The following AFG1L variants were observed in gnomAD, a reference collection of about 807,000 sequenced individuals.
AFG1L encodes AFG1-like ATPase.
Under a neutral mutation model 62.2 loss-of-function variants are expected in AFG1L, and 53 were observed. The observed-to-expected ratio is 0.85, with a 90% CI of 0.68 to 1.07. The LOEUF (loss-of-function observed/expected upper bound fraction) is 1.07, where lower values mean the gene tolerates loss of function less well. Among genes scored for constraint, AFG1L ranks in the 50% least tolerant of loss-of-function variants. AFG1L has a pLI of 0.00. For missense variants in AFG1L, 555 were observed against 590.5 expected, an observed-to-expected ratio of 0.94 and a Z score of 0.62; for synonymous variants, 228 against 210.3, an observed-to-expected ratio of 1.08 and a Z score of -0.73.
At chr6:108,380,490 G>A (rs1366511496) in intron 6 of AFG1L, among the ~76,000 whole-genome samples, 1 of 152,182 alleles carries the variant, frequency 6.6e-6, no homozygotes, top group African/African-American at 2.4e-5. Context: ...AACTGCAGCT[G>A]TAGCAGCTCT....
chr6:108,400,127 CA>C (rs1216332815), intron 6 of AFG1L, among the ~76,000 whole-genome samples: 11 of 152,108 alleles, frequency 7.2e-5, no homozygotes, highest in Admixed American at 2.0e-4. Context: ...GTGTCACCTG[CA>C]AACAAGGATA....
At chr6:108,307,727 T>C (rs914848090) in intron 1 of AFG1L, among the ~76,000 whole-genome samples, 1 of 152,226 alleles carries the variant, frequency 6.6e-6, no homozygotes, top group South Asian at 2.1e-4. Flanking sequence ...TCATATTTTA[T>C]ACATATGTTC....
At chr6:108,316,908 TATC>T (rs1316568298) in intron 1 of AFG1L, among the ~76,000 whole-genome samples, 1 of 152,218 alleles carries the variant, frequency 6.6e-6, no homozygotes, top group African/African-American at 2.4e-5. Flanking sequence ...CTCAACTCCT[TATC>T]ATATGTTTGT....
chr6:108,400,724 T>A (rs57725758), intron 6 of AFG1L, among the ~76,000 whole-genome samples: 11,983 of 123,368 alleles, frequency 0.097, 906 homozygotes, highest in African/African-American at 0.2. Flanking sequence ...TAATATATAT[T>A]ATATATAATA....
intron 7 of AFG1L, among the ~76,000 whole-genome samples, chr6:108,433,965 C>G (rs1050848863): frequency 8.5e-5 from 13 of 152,144 alleles, no homozygotes; most frequent in Non-Finnish European, 1.9e-4. Context: ...AGGGTTACAG[C>G]CTGCAACATG....
intron 6 of AFG1L, among the ~76,000 whole-genome samples, chr6:108,368,814 C>T (rs1032456721): frequency 4.6e-5 from 7 of 152,150 alleles, no homozygotes; most frequent in African/African-American, 1.7e-4. Flanking sequence ...GAAGGACAGC[C>T]ACCAGGAGGG....
intron 10 of AFG1L, among the ~76,000 whole-genome samples, chr6:108,508,855 G>C (rs1232873678): frequency 6.6e-6 from 1 of 152,158 alleles, no homozygotes; most frequent in Non-Finnish European, 1.5e-5. Flanking sequence ...TCATGCAAAG[G>C]ACTTCCCAAA....
intron 1 of AFG1L, among the ~76,000 whole-genome samples, chr6:108,296,535 A>T (rs992517193): frequency 6.6e-5 from 10 of 152,282 alleles, no homozygotes; most frequent in Non-Finnish European, 1.3e-4. Flanking sequence ...TGTATGTATA[A>T]GCATATACAT....
At chr6:108,464,937 T>A (rs1038284668) in intron 8 of AFG1L, among the ~76,000 whole-genome samples, 3 of 152,254 alleles carry the variant, frequency 2.0e-5, no homozygotes, top group Non-Finnish European at 4.4e-5. Context: ...ATCCCACTGA[T>A]GGGGCAATTA....
intron 8 of AFG1L, 82 bp downstream of exon 8, chr6:108,447,378 A>G: frequency 1.3e-6 from 1 of 793,982 alleles, no homozygotes; most frequent in Non-Finnish European, 2.1e-6. Context: ...TAATTATTGG[A>G]ACGTGAAAGG....
rs180670787 is a variant in AFG1L, at chr6:108,311,730, A to G, written c.140-12095A>G. ...ACTGATTGTATTTGCAGTTTCTAGC[A>G]CAGAGCTTTGTACACTATAGACGCT... On this transcript the variant is annotated intron_variant, in intron 1 of 12. Coordinates refer to ENST00000368977, the MANE Select transcript of AFG1L (RefSeq NM_145315.5). Among the ~76,000 whole-genome samples, 193 of 152,306 alleles carry G rather than the reference A, an allele frequency of 1.3e-3. 2 individuals are homozygous for G. The highest frequency in any genetic ancestry group is 4.5e-3 in the African/African-American group (188 of 41,574).
At chr6:108,349,408 TAGG>T (rs1391446638) in intron 3 of AFG1L, among the ~76,000 whole-genome samples, 3 of 151,992 alleles carry the variant, frequency 2.0e-5, no homozygotes, top group Non-Finnish European at 4.4e-5. Flanking sequence ...CACTTGAGCC[TAGG>T]AGGTCAAGGC....
At chr6:108,457,665 C>T (rs1772305087) in intron 8 of AFG1L, among the ~76,000 whole-genome samples, 1 of 151,908 alleles carries the variant, frequency 6.6e-6, no homozygotes, top group African/African-American at 2.4e-5. Flanking sequence ...TTTAATTTAC[C>T]TACATATTTA....
chr6:108,377,962 G>A (rs1258429951), intron 6 of AFG1L, among the ~76,000 whole-genome samples: 1 of 150,752 alleles, frequency 6.6e-6, no homozygotes, highest in Non-Finnish European at 1.5e-5. Context: ...ATAATTTGAA[G>A]GTTTGGTTGC....
intron 10 of AFG1L, among the ~76,000 whole-genome samples, chr6:108,503,640 T>G (rs1257819709): frequency 6.6e-6 from 1 of 152,226 alleles, no homozygotes; most frequent in Non-Finnish European, 1.5e-5. Context: ...TTCAGAATGG[T>G]AAATGAGCAT....
intron 2 of AFG1L, among the ~76,000 whole-genome samples, chr6:108,339,198 T>A (rs992666357): frequency 3.3e-5 from 5 of 152,016 alleles, no homozygotes; most frequent in African/African-American, 7.2e-5. Flanking sequence ...TCGCCCAGGC[T>A]GGAGTGCAGT....
At chr6:108,497,145 C>T (rs1453700631) in intron 10 of AFG1L, among the ~76,000 whole-genome samples, 5 of 152,012 alleles carry the variant, frequency 3.3e-5, no homozygotes, top group African/African-American at 1.2e-4. Context: ...TTTTTTAGGG[C>T]TCTTACTACA....
At chr6:108,456,622 A>G (rs1304203688) in intron 8 of AFG1L, among the ~76,000 whole-genome samples, 1 of 152,118 alleles carries the variant, frequency 6.6e-6, no homozygotes, top group Non-Finnish European at 1.5e-5. Flanking sequence ...AAAGAAACCC[A>G]TAACCGTTAG....
At chr6:108,488,013 T>G (rs1269864647) in intron 10 of AFG1L, among the ~76,000 whole-genome samples, 1 of 152,174 alleles carries the variant, frequency 6.6e-6, no homozygotes, top group Non-Finnish European at 1.5e-5. Context: ...AGGTTGTAAC[T>G]TTCACCAACA....
Sources: allele counts gnomAD v4.1 joint callset (sites outside exome capture counted in the v4.1 genomes callset), GRCh38; gene constraint gnomAD v4.1.1; transcripts MANE v1.5; gene names NCBI Gene and HGNC (gene_info 2026-07-23, HGNC 2026-07-21).